FHOD3: variants seen among roughly 807,000 people sequenced by gnomAD.
FHOD3 encodes FH1/FH2 domain-containing protein 3.
A neutral mutation model predicts 173.0 loss-of-function variants in FHOD3; 90 were observed. The ratio of observed to expected loss-of-function variants is 0.52; its 90% CI spans 0.44 to 0.62. FHOD3 has a LOEUF of 0.62. Ranked by LOEUF, FHOD3 falls within the 20% of genes least tolerant of loss-of-function variation. The probability of loss-of-function intolerance (pLI) is 0.00; values close to 1 mark genes in which losing one functional copy is unlikely to be tolerated. For synonymous variants in FHOD3, 828 were observed against 823.0 expected (o/e 1.01, Z -0.10); for missense variants, 1,945 against 2,034.7 (o/e 0.96, Z 0.85).
intron 18 of FHOD3, among the ~76,000 whole-genome samples, chr18:36,715,006 G>A (rs1600379131): frequency 6.6e-6 from 1 of 152,126 alleles, no homozygotes; most frequent in East Asian, 1.9e-4. Flanking sequence ...GCTGAATGAA[G>A]CTCCCAATGC....
intron 16 of FHOD3, among the ~76,000 whole-genome samples, chr18:36,689,162 C>T (rs1000664305): frequency 6.6e-6 from 1 of 152,136 alleles, no homozygotes; most frequent in Non-Finnish European, 1.5e-5. Context: ...AGACTTTCAT[C>T]CCTGTTTCAA....
intron 5 of FHOD3, 116 bp downstream of exon 5, chr18:36,512,659 G>A: frequency 1.4e-6 from 1 of 727,576 alleles, no homozygotes; most frequent in Non-Finnish European, 2.4e-6. Flanking sequence ...GAGTAAGGTG[G>A]TAAAGACACC....
At chr18:36,306,282 C>A (rs993407362) in intron 1 of FHOD3, among the ~76,000 whole-genome samples, 7 of 152,162 alleles carry the variant, frequency 4.6e-5, no homozygotes, top group African/African-American at 1.7e-4. Context: ...TCTGAGGTGC[C>A]TCACTCCCAC....
At chr18:36,389,555 T>C (rs1035785343) in intron 3 of FHOD3, among the ~76,000 whole-genome samples, 5 of 152,240 alleles carry the variant, frequency 3.3e-5, no homozygotes, top group African/African-American at 1.2e-4. Flanking sequence ...CTCACTTCCA[T>C]TTCTCAGTGG....
rs116130610 is a variant in FHOD3, at chr18:36,656,783, G to T, written c.1722-1292G>T. Reference sequence around the variant, plus strand: ...TTATAAAATTGGTAATCATTTTTAAGGGTTGCATAATAGTCCATTGACAAA... The same window carrying T: ...TTATAAAATTGGTAATCATTTTTAATGGTTGCATAATAGTCCATTGACAAA... On this transcript the variant is annotated intron_variant, in intron 13 of 28. Coordinates refer to ENST00000590592, the MANE Select transcript of FHOD3 (RefSeq NM_001281740.3). Among the ~76,000 whole-genome samples, 1,327 of 152,122 alleles carry T rather than the reference G, an allele frequency of 8.7e-3. 20 individuals are homozygous for T. Among genetic ancestry groups the T allele is most frequent in the African/African-American group, 0.03 (1,257 of 41,486 alleles).
At chr18:36,452,665 A>G (rs922854588) in intron 3 of FHOD3, among the ~76,000 whole-genome samples, 10 of 152,240 alleles carry the variant, frequency 6.6e-5, no homozygotes, top group African/African-American at 2.4e-4. Context: ...TGGCTACTTT[A>G]GATATTTCAT....
intron 2 of FHOD3, among the ~76,000 whole-genome samples, chr18:36,363,736 C>T (rs912553899): frequency 4.6e-5 from 7 of 151,954 alleles, no homozygotes; most frequent in Non-Finnish European, 7.4e-5. Flanking sequence ...GGATCCAGAA[C>T]GTTATGTATT....
chr18:36,594,211 C>T (rs548879842), intron 6 of FHOD3, among the ~76,000 whole-genome samples: 10 of 152,190 alleles, frequency 6.6e-5, no homozygotes, highest in African/African-American at 2.2e-4. Context: ...GGCCTCTGGG[C>T]TTCATGTGGC....
At chr18:36,680,277 A>T (rs969922989) in intron 14 of FHOD3, among the ~76,000 whole-genome samples, 18 of 152,100 alleles carry the variant, frequency 1.2e-4, no homozygotes, top group African/African-American at 3.6e-4. Context: ...CATCTGTGGG[A>T]CTCATGGCAG....
intron 3 of FHOD3, among the ~76,000 whole-genome samples, chr18:36,411,729 T>C (rs567641977): frequency 2.0e-4 from 30 of 152,364 alleles, no homozygotes; most frequent in Admixed American, 9.1e-4. Context: ...GCTGTAGTTA[T>C]TAATTTTCAA....
intron 3 of FHOD3, among the ~76,000 whole-genome samples, chr18:36,413,877 C>A (rs2049488410): frequency 6.6e-6 from 1 of 152,228 alleles, no homozygotes; most frequent in South Asian, 2.1e-4. Context: ...TCTTCCCTAA[C>A]AGAAACTGTA....
chr18:36,318,689 C>G (rs1429290177), intron 1 of FHOD3, among the ~76,000 whole-genome samples: 1 of 152,212 alleles, frequency 6.6e-6, no homozygotes, highest in Non-Finnish European at 1.5e-5. Context: ...TTGACTTCCT[C>G]TTTTCCTAAT....
chr18:36,681,820 A>G (rs936935848), intron 15 of FHOD3, among the ~76,000 whole-genome samples: 2 of 152,128 alleles, frequency 1.3e-5, no homozygotes, highest in Non-Finnish European at 2.9e-5. Flanking sequence ...TGGGCCCTCC[A>G]TTACCTACCT....
chr18:36,716,908 A>ATGTGTGTGTGTGTGTGTGTGTGTG (rs1345159982), intron 18 of FHOD3, among the ~76,000 whole-genome samples: 1 of 135,254 alleles, frequency 7.4e-6, no homozygotes, highest in African/African-American at 3.1e-5. Context: ...GAAATTATAT[A>ATGTGTGTGTGTGTGTGTGTGTGTG]TGTGTATGTG....
intron 25 of FHOD3, among the ~76,000 whole-genome samples, chr18:36,757,578 C>G (rs2042685029): frequency 6.6e-6 from 1 of 152,132 alleles, no homozygotes; most frequent in South Asian, 2.1e-4. Flanking sequence ...TTAGAGAAAA[C>G]TGTTTGTAGT....
chr18:36,428,057 C>G (rs1363048552), intron 3 of FHOD3, among the ~76,000 whole-genome samples: 1 of 152,156 alleles, frequency 6.6e-6, no homozygotes, highest in Non-Finnish European at 1.5e-5. Flanking sequence ...TAGGCATTCT[C>G]CTAGGTCCTG....
At chr18:36,497,403 C>T (rs1052314125) in intron 3 of FHOD3, among the ~76,000 whole-genome samples, 5 of 152,024 alleles carry the variant, frequency 3.3e-5, no homozygotes, top group African/African-American at 7.3e-5. Flanking sequence ...GTTGTGATGT[C>T]GCAGAGGTTA....
At chr18:36,335,351 C>T (rs575740209) in intron 1 of FHOD3, among the ~76,000 whole-genome samples, 16 of 151,730 alleles carry the variant, frequency 1.1e-4, no homozygotes, top group African/African-American at 2.4e-4. Flanking sequence ...AAAAATTAGC[C>T]GGGCGTGGTA....
At chr18:36,585,432 A>G (rs1421274874) in intron 6 of FHOD3, among the ~76,000 whole-genome samples, 4 of 152,138 alleles carry the variant, frequency 2.6e-5, no homozygotes, top group African/African-American at 9.7e-5. Context: ...CCCCCATGTG[A>G]GAATAATCTC....
Sources: allele counts gnomAD v4.1 joint callset (sites outside exome capture counted in the v4.1 genomes callset), GRCh38; gene constraint gnomAD v4.1.1; transcripts MANE v1.5; gene names NCBI Gene and HGNC (gene_info 2026-07-23, HGNC 2026-07-21).